The following PROC variants were observed in gnomAD, a reference collection of about 807,000 sequenced individuals.
PROC encodes protein C, inactivator of coagulation factors Va and VIIIa, also known as vitamin K-dependent protein C.
Under a neutral mutation model 36.3 loss-of-function variants are expected in PROC, and 22 were observed. That is an observed-to-expected ratio of 0.61 (90% confidence interval 0.43 to 0.86). The LOEUF (loss-of-function observed/expected upper bound fraction) is 0.86, where lower values mean the gene tolerates loss of function less well. PROC is among the 40% of genes least tolerant of loss of function. The probability of loss-of-function intolerance (pLI) is 0.00; values close to 1 mark genes in which losing one functional copy is unlikely to be tolerated. For synonymous variants in PROC, 218 were observed against 244.5 expected (o/e 0.89, Z 1.01); for missense variants, 526 against 629.7 (o/e 0.84, Z 1.76).
intron 6 of PROC, among the ~76,000 whole-genome samples, chr2:127,425,317 T>G (rs1356801420): frequency 7.2e-5 from 11 of 152,236 alleles, no homozygotes; most frequent in Admixed American, 7.2e-4. Flanking sequence ...CTTTCCATTC[T>G]TTTGTTATGA....
chr2:127,421,858 T>G (rs913892731), intron 3 of PROC, among the ~76,000 whole-genome samples: 1 of 152,202 alleles, frequency 6.6e-6, no homozygotes, highest in African/African-American at 2.4e-5. Flanking sequence ...ATAAAATCGC[T>G]CACTCTGTGC....
At chr2:127,421,518 G>A (rs1428068612) in intron 3 of PROC, 69 bp downstream of exon 3, 2 of 1,575,280 alleles carry the variant, frequency 1.3e-6, no homozygotes, top group South Asian at 1.1e-5. Flanking sequence ...GCCTCGAGGA[G>A]CAGGTGGGGA....
At position 127,426,249 on chromosome 2, in the gene PROC, G is replaced by C. The variant is rs769724233; in HGVS notation, c.678+22G>C. 1.9e-6 allele frequency: 3 copies of C among 1,613,834 alleles called. No individual in the cohort carries two copies. Among genetic ancestry groups the C allele is most frequent in the Non-Finnish European group, 2.5e-6 (3 of 1,180,002 alleles). On this transcript the variant is annotated intron_variant, in intron 7 of 8. Coordinates refer to ENST00000234071, the MANE Select transcript of PROC (RefSeq NM_000312.4). The surrounding 1 kb of genome is among the most constrained non-coding windows in gnomAD (Gnocchi z 7.0). ...GCAGGTGGGAGGCGAGGCAGCACCG[G>C]CTGCTCACGTGCTGGGTCCGGGATC...
intron 5 of PROC, 47 bp from the exon 6 acceptor site, chr2:127,423,227 G>T (rs1166732884): frequency 2.0e-6 from 3 of 1,527,286 alleles, no homozygotes; most frequent in Non-Finnish European, 2.6e-6. Flanking sequence ...GGCCGGGTTG[G>T]GGGCGCGGCA....
At chr2:127,422,793 TCGATCCC>T (rs1688186024) in intron 3 of PROC, 117 bp from the exon 4 acceptor site, 1 of 1,354,218 alleles carries the variant, frequency 7.4e-7, no homozygotes, top group Non-Finnish European at 1.0e-6. Context: ...CCATCGGGCG[TCGATCCC>T]TGTTTGTCTG....
rs1188357717 is a variant in PROC, at chr2:127,428,867, C to T, written c.1307C>T (p.Thr436Ile). 1.8e-5 allele frequency: 29 copies of T among 1,613,670 alleles called. No individual in the cohort carries two copies. The Admixed American group carries it at 4.3e-4, about 24-fold the overall frequency. ...CTCCTTCACAACTACGGCGTTTACA[C>T]CAAAGTCAGCCGCTACCTCGACTGG... ...CGLLHNYGVY[T>I]KVSRYLDWIH... Residue 436 changes from threonine to isoleucine, a missense_variant, in exon 9 of 9, where the codon ACC (threonine) becomes ATC (isoleucine). Transcript: ENST00000234071.
intron 3 of PROC, 45 bp downstream of exon 3, chr2:127,421,494 G>T: frequency 6.2e-7 from 1 of 1,609,806 alleles, no homozygotes; most frequent in East Asian, 2.2e-5. Flanking sequence ...GGGGCGAGCT[G>T]GTAACCAGCA....
At position 127,427,158 on chromosome 2, in the gene PROC, C is replaced by A; in HGVS notation, c.732C>A (p.His244Gln). The change falls in exon 8 of 9, where the codon CAC becomes CAA. Residue 244 changes from histidine to glutamine, a missense_variant. Physicochemically the swap from His to Gln is conservative, Grantham distance 24. Coordinates refer to ENST00000234071, the MANE Select transcript of PROC (RefSeq NM_000312.4). Reference protein sequence around the residue: ...KKLACGAVLIHPSWVLTAAHC... With the variant: ...KKLACGAVLIQPSWVLTAAHC... ...TGGCCTGCGGGGCAGTGCTCATCCA[C>A]CCCTCCTGGGTGCTGACAGCGGCCC... 6.2e-7 allele frequency: 1 copy of A among 1,613,796 alleles called. No homozygotes were observed. Among genetic ancestry groups the A allele is most frequent in the Non-Finnish European group, 8.5e-7 (1 of 1,179,970 alleles).
intron 1 of PROC, 67 bp from the exon 2 acceptor site, chr2:127,419,855 C>T (rs1687983202): frequency 1.2e-6 from 2 of 1,611,720 alleles, no homozygotes; most frequent in South Asian, 2.2e-5. Context: ...ATTCCGCTTC[C>T]ACCTGGGGGT....
rs1178323114 is a variant in PROC at position 127,425,565 on chromosome 2, A to C, written c.536-520A>C. ...TCCTTTCCTCTGTGAGGAGCTCAGCAGCATCCCATTATGAGACCTTACTAA... is the reference window on the plus strand; with the variant it reads ...TCCTTTCCTCTGTGAGGAGCTCAGCCGCATCCCATTATGAGACCTTACTAA... On this transcript the variant is annotated intron_variant, in intron 6 of 8. Transcript: ENST00000234071. Among the ~76,000 whole-genome samples, 3 of 152,234 alleles carry C rather than the reference A, an allele frequency of 2.0e-5. No homozygotes were observed. In the East Asian group the frequency reaches 5.8e-4, roughly 29 times the overall value.
rs1438699442 is a variant in PROC at position 127,428,490 on chromosome 2, C to T, written c.930C>T (p.Thr310=). The T allele has an allele frequency of 6.2e-7, 1 of 1,614,162 alleles. No individual in the cohort carries two copies. Among genetic ancestry groups the T allele is most frequent in the Non-Finnish European group, 8.5e-7 (1 of 1,180,046 alleles). Residue 310 remains threonine, a synonymous_variant, in exon 9 of 9, where the codon ACC becomes ACT. Coordinates refer to ENST00000234071, the MANE Select transcript of PROC (RefSeq NM_000312.4). ...IALLHLAQPA[T]LSQTIVPICL... ...TGCTGCACCTGGCCCAGCCCGCCAC[C>T]CTCTCGCAGACCATAGTGCCCATCT...
intron 1 of PROC, 180 bp from the exon 2 acceptor site, chr2:127,419,742 G>A (rs527780143): frequency 7.0e-5 from 99 of 1,412,962 alleles, no homozygotes; most frequent in Non-Finnish European, 8.7e-5. Flanking sequence ...TCAGCCCCAC[G>A]TAGAGCGGGC....
Position 127,427,146 on chromosome 2 carries a change from A to G in PROC, c.720A>G (p.Ala240=). 1 of 1,613,876 alleles carries G rather than the reference A, an allele frequency of 6.2e-7. No individual in the cohort carries two copies. Among genetic ancestry groups the G allele is most frequent in the East Asian group, 2.2e-5 (1 of 44,878 alleles). ...LDSKKKLACG[A]VLIHPSWVLT... ...CAAAGAAGAAGCTGGCCTGCGGGGC[A>G]GTGCTCATCCACCCCTCCTGGGTGC... The change falls in exon 8 of 9, where the codon GCA becomes GCG. Residue 240 remains alanine, a synonymous_variant. Transcript: ENST00000234071.
intron 6 of PROC, 120 bp from the exon 7 acceptor site, chr2:127,425,965 A>T (rs1316281687): frequency 4.6e-5 from 51 of 1,096,910 alleles, no homozygotes; most frequent in Non-Finnish European, 6.6e-5. Context: ...TCTAAGTATC[A>T]TTGGTTCCTT....
intron 3 of PROC, 107 bp downstream of exon 3, chr2:127,421,556 G>C (rs936373240): frequency 7.3e-7 from 1 of 1,370,802 alleles, no homozygotes; most frequent in African/African-American, 1.4e-5. Context: ...CTTAGGAGTT[G>C]TGGGGGTGGC....
Position 127,421,527 on chromosome 2 carries a change from G to T in PROC, c.237+78G>T. The stretch of plus-strand genomic sequence containing the variant: ...GCAGGGGCCTCGAGGAGCAGGTGGG[G>T]ACTCAATGCTGAGGCCCTCTTAGGA... On this transcript the variant is annotated intron_variant, in intron 3 of 8. Transcript: ENST00000234071. The T allele has an allele frequency of 1.3e-6, 2 of 1,544,348 alleles. 1 individual carries two copies. Among genetic ancestry groups the T allele is most frequent in the Non-Finnish European group, 1.8e-6 (2 of 1,127,528 alleles).
chr2:127,421,039 G>T (rs1688060992), intron 2 of PROC, among the ~76,000 whole-genome samples: 1 of 152,178 alleles, frequency 6.6e-6, no homozygotes, highest in African/African-American at 2.4e-5. Context: ...TCGGGGTGGG[G>T]TTCACAGGGA....
At position 127,428,562 on chromosome 2, in the gene PROC, C is replaced by G; in HGVS notation, c.1002C>G (p.Gly334=). The part of the protein sequence containing the change: ...GLAERELNQA[G]QETLVTGWGY... ...CAGAGCGCGAGCTCAATCAGGCCGG[C>G]CAGGAGACCCTCGTGACGGGCTGGG... Residue 334 remains glycine, a synonymous_variant, in exon 9 of 9, where the codon GGC becomes GGG. Coordinates refer to ENST00000234071, the MANE Select transcript of PROC (RefSeq NM_000312.4). The G allele has an allele frequency of 3.1e-6, 5 of 1,613,880 alleles. 1 individual carries two copies. The Middle Eastern group carries it at 8.2e-4, about 266-fold the overall frequency.
At chr2:127,419,335 G>A (rs1687954703) in intron 1 of PROC, among the ~76,000 whole-genome samples, 2 of 152,200 alleles carry the variant, frequency 1.3e-5, no homozygotes, top group Non-Finnish European at 2.9e-5. Context: ...TACTGAGCAT[G>A]AGCTATGTGC....
Sources: allele counts gnomAD v4.1 joint callset (sites outside exome capture counted in the v4.1 genomes callset), GRCh38; gene constraint gnomAD v4.1.1; non-coding constraint Gnocchi (gnomAD v3.1); transcripts MANE v1.5; gene names NCBI Gene and HGNC (gene_info 2026-07-23, HGNC 2026-07-21).